Variants in COPG1 observed in about 807,000 individuals in gnomAD.
COPG1 encodes the protein coat protein complex I subunit gamma 1, also known as coatomer subunit gamma-1.
COPG1 carries 29 observed loss-of-function variants against 102.8 expected under a neutral mutation model. That is an observed-to-expected ratio of 0.28 (90% CI 0.21 to 0.38). The LOEUF is 0.38. Among genes scored for constraint, COPG1 ranks in the 10% least tolerant of loss-of-function variants. The pLI is 1.00. For synonymous variants in COPG1, 406 were observed against 421.6 expected, an observed-to-expected ratio of 0.96 and a Z score of 0.45; for missense variants, 875 against 1,132.7, an observed-to-expected ratio of 0.77 and a Z score of 3.27.
chr3:129,259,204 T>C (rs988540533), intron 10 of COPG1, among the ~76,000 whole-genome samples: 1 of 152,124 alleles, frequency 6.6e-6, no homozygotes, highest in Non-Finnish European at 1.5e-5. Flanking sequence ...GGCTCACGCC[T>C]GTAATCCCAG....
At chr3:129,250,611 C>A in intron 1 of COPG1, 71 bp from the exon 2 acceptor site, 2 of 1,259,204 alleles carry the variant, frequency 1.6e-6, no homozygotes. Context: ...GACATCTTCC[C>A]TTTACCTATG....
chr3:129,274,698 T>C (rs1030135363), intron 21 of COPG1, 140 bp from the exon 22 acceptor site: 19 of 941,884 alleles, frequency 2.0e-5, no homozygotes, highest in Non-Finnish European at 1.1e-5. Context: ...AGTTGCTCTA[T>C]GTCCCCAGAG....
intron 2 of COPG1, chr3:129,250,985 G>T: frequency 2.8e-6 from 1 of 356,172 alleles, no homozygotes; most frequent in South Asian, 2.5e-5. Flanking sequence ...GTGCAGTGGC[G>T]TGATCTCGGC....
intron 2 of COPG1, 178 bp downstream of exon 2, chr3:129,250,912 CTTTTTTTTTTTT>C (rs10706690): frequency 1.5e-4 from 30 of 202,522 alleles, no homozygotes; most frequent in East Asian, 1.1e-3. Context: ...ATGCTTACTT[CTTTTTTTTTTTT>C]TTTTTTTTTT....
At chr3:129,253,773 G>A (rs1010330845) in intron 5 of COPG1, among the ~76,000 whole-genome samples, 1 of 152,142 alleles carries the variant, frequency 6.6e-6, no homozygotes, top group Non-Finnish European at 1.5e-5. Flanking sequence ...ACTGCGATGG[G>A]TGGATCACTT....
At chr3:129,260,978 G>C (rs778308316) in intron 12 of COPG1, among the ~76,000 whole-genome samples, 171 bp downstream of exon 12, 12 of 152,318 alleles carry the variant, frequency 7.9e-5, no homozygotes, top group African/African-American at 9.6e-5. Context: ...AGAAATGTGC[G>C]TAGTCCTGCC....
chr3:129,267,117 G>A lies in COPG1; in HGVS notation c.1544+18G>A, dbSNP rs372246557. On this transcript the variant is annotated intron_variant, in intron 15 of 23. Transcript: ENST00000314797. Reference sequence around the variant, plus strand: ...CTGAAGAGGTGAGTCTAGGCCCAGGGGCCCTAATGGGGACAGTGTTCCCTT... The same window carrying A: ...CTGAAGAGGTGAGTCTAGGCCCAGGAGCCCTAATGGGGACAGTGTTCCCTT... 1.3e-6 allele frequency: 2 copies of A among 1,597,556 alleles called. No individual in the cohort carries two copies. The highest frequency in any genetic ancestry group is 1.7e-6 in the Non-Finnish European group (2 of 1,165,456).
chr3:129,273,196 G>A (rs972091540), intron 21 of COPG1, among the ~76,000 whole-genome samples: 1 of 151,984 alleles, frequency 6.6e-6, no homozygotes, highest in African/African-American at 2.4e-5. Flanking sequence ...CAAATTTTTT[G>A]TATTTTTGGT....
intron 10 of COPG1, among the ~76,000 whole-genome samples, chr3:129,258,623 A>G (rs1939863197): frequency 2.6e-5 from 4 of 151,988 alleles, no homozygotes; most frequent in Admixed American, 2.6e-4. Flanking sequence ...ACGCCTGGCT[A>G]ATTTTTGTAT....
chr3:129,256,042 C>A, intron 7 of COPG1, 26 bp from the exon 8 acceptor site: 1 of 1,605,900 alleles, frequency 6.2e-7, no homozygotes, highest in Non-Finnish European at 8.5e-7. Flanking sequence ...TCCTACCTGC[C>A]CCTTAATGTG....
chr3:129,265,500 CTT>C, intron 13 of COPG1, 47 bp from the exon 14 acceptor site: 2 of 1,598,502 alleles, frequency 1.3e-6, no homozygotes, highest in Non-Finnish European at 8.5e-7. Context: ...GTCTTCAACT[CTT>C]TTCTGGAGAG....
At chr3:129,274,162 T>A (rs1245164183) in intron 21 of COPG1, 1 of 452,210 alleles carries the variant, frequency 2.2e-6, no homozygotes, top group African/African-American at 2.0e-5. Context: ...GAGCTGGGTC[T>A]GTTTGAGCCC....
At chr3:129,269,767 T>G (rs770488659) in intron 18 of COPG1, among the ~76,000 whole-genome samples, 3 of 151,982 alleles carry the variant, frequency 2.0e-5, no homozygotes, top group Non-Finnish European at 4.4e-5. Flanking sequence ...AACATGAAAC[T>G]TTCCATTTAT....
At position 129,268,055 on chromosome 3, in the gene COPG1, G is replaced by C. The variant is rs776925631; in HGVS notation, c.1648+15G>C. Reference sequence around the variant, plus strand: ...TATCCTAAATGGTGAGTCATTCCCTGGCTATCTTGGACTCAGCACCTTACT... The same window carrying C: ...TATCCTAAATGGTGAGTCATTCCCTCGCTATCTTGGACTCAGCACCTTACT... On this transcript the variant is annotated intron_variant, in intron 16 of 23. Coordinates refer to ENST00000314797, the MANE Select transcript of COPG1 (RefSeq NM_016128.4). 1.1e-5 allele frequency: 17 copies of C among 1,599,046 alleles called. No homozygotes were observed. Among genetic ancestry groups the C allele is most frequent in the Middle Eastern group, 3.3e-4 (2 of 6,058 alleles).
Position 129,252,369 on chromosome 3 carries a change from G to T in COPG1, c.171+8G>T. The T allele has an allele frequency of 6.3e-7, 1 of 1,595,232 alleles. No individual in the cohort carries two copies. The highest frequency in any genetic ancestry group is 8.6e-7 in the Non-Finnish European group (1 of 1,163,010). On this transcript the variant is annotated splice_region_variant and intron_variant, in intron 3 of 23. Coordinates refer to ENST00000314797, the MANE Select transcript of COPG1 (RefSeq NM_016128.4). ...CTTTATCTCATAAACCAGGTAACAG[G>T]GTGAAGCTTGCGGGTAGGGAGAATG...
At position 129,277,330 on chromosome 3, in the gene COPG1, C is replaced by G. The variant is rs769942016; in HGVS notation, c.2531C>G (p.Ser844Cys). Residue 844 changes from serine to cysteine, a missense_variant, in exon 24 of 24, where the codon TCC (serine) becomes TGC (cysteine). Ser to Cys is a moderately radical substitution (Grantham distance 112). Transcript: ENST00000314797. ...FRGGHDILVR[S>C]RLLLLDTVTM... ...GGTGGTCATGACATCCTGGTGCGCT[C>G]CCGGCTGCTGCTTTTGGACACAGTG... 1 of 1,614,034 alleles carries G rather than the reference C, an allele frequency of 6.2e-7. No individual in the cohort carries two copies. The highest frequency in any genetic ancestry group is 2.2e-5 in the East Asian group (1 of 44,880).
chr3:129,253,105 A>G lies in COPG1; in HGVS notation c.323+150A>G, dbSNP rs942409124. 8 of 616,094 alleles carry G rather than the reference A, an allele frequency of 1.3e-5. No homozygotes were observed. The Admixed American group carries it at 1.8e-4, about 14-fold the overall frequency. 38.2% of individuals were successfully genotyped at this position (616,094 alleles called of 1,614,324 possible). A position where few individuals can be genotyped will look rare whatever the true frequency, so the allele number is the denominator to read the frequency against. On this transcript the variant is annotated intron_variant, in intron 5 of 23. Transcript: ENST00000314797. ...CTGTTACCACTGCCCACCCCATGGC[A>G]GCCTCCAGGTGTGCTGTTTCTATTT...
rs1203712249 is a variant in COPG1 at position 129,267,350 on chromosome 3, A to G, written c.1544+251A>G. 8.8e-5 allele frequency: 29 copies of G among 328,954 alleles called. No homozygotes were observed. The East Asian group carries it at 1.1e-3, about 13-fold the overall frequency. 20.4% of individuals were successfully genotyped at this position (328,954 alleles called of 1,614,324 possible). A position where few individuals can be genotyped will look rare whatever the true frequency, so the allele number is the denominator to read the frequency against. On this transcript the variant is annotated intron_variant, in intron 15 of 23. Transcript: ENST00000314797. ...AAATAGCTCTATTGAAGCCGGGCATAGTGGCTCCCGCCTGTAATCCCAGCA... is the reference window on the plus strand; with the variant it reads ...AAATAGCTCTATTGAAGCCGGGCATGGTGGCTCCCGCCTGTAATCCCAGCA...
intron 23 of COPG1, among the ~76,000 whole-genome samples, chr3:129,276,637 G>T (rs143370576): frequency 6.6e-5 from 10 of 152,088 alleles, no homozygotes; most frequent in African/African-American, 2.4e-4. Context: ...TGGTTTTCTC[G>T]TGGTGGGGCT....
Sources: gnomAD v4.1 joint callset for allele counts (sites outside exome capture counted in the v4.1 genomes callset) on GRCh38, gnomAD v4.1.1 for gene constraint, MANE v1.5 for transcripts, NCBI Gene and HGNC (gene_info 2026-07-23, HGNC 2026-07-21) for gene names.